TACC1: variants seen among roughly 807,000 people sequenced by gnomAD.
The protein encoded by TACC1 is transforming acidic coiled-coil-containing protein 1.
In TACC1, 48 loss-of-function variants were observed where a neutral mutation model predicts 84.4. The ratio of observed to expected loss-of-function variants is 0.57; its 90% confidence interval spans 0.45 to 0.72. The LOEUF is 0.72. TACC1 is among the 30% of genes least tolerant of loss of function. TACC1 has a pLI of 0.00. For missense variants in TACC1, 920 were observed against 973.0 expected, an observed-to-expected ratio of 0.95 and a Z score of 0.72; for synonymous variants, 372 against 376.3, an observed-to-expected ratio of 0.99 and a Z score of 0.13.
chr8:38,758,259 C>A (rs547601283), intron 3 of TACC1, among the ~76,000 whole-genome samples: 1 of 152,042 alleles, frequency 6.6e-6, no homozygotes, highest in Admixed American at 6.6e-5. Flanking sequence ...CAGCCTGGAC[C>A]GCGGGAGGGC....
intron 2 of TACC1, among the ~76,000 whole-genome samples, chr8:38,789,459 A>C (rs1818140095): frequency 6.6e-6 from 1 of 152,204 alleles, no homozygotes; most frequent in Admixed American, 6.5e-5. Flanking sequence ...TTATTTACTA[A>C]ATAGAGTGCA....
upstream of TACC1, among the ~76,000 whole-genome samples, chr8:38,783,780 C>T (rs536925278): frequency 2.6e-5 from 4 of 152,286 alleles, no homozygotes; most frequent in South Asian, 8.3e-4. Context: ...TAGAAAGGAG[C>T]TTCTCTTTAT....
At chr8:38,733,886 A>G (rs1475223650) in intron 1 of TACC1, among the ~76,000 whole-genome samples, 3 of 152,208 alleles carry the variant, frequency 2.0e-5, no homozygotes, top group Non-Finnish European at 2.9e-5. Context: ...CAAGAGGACA[A>G]TGGAATTTAG....
intron 2 of TACC1, among the ~76,000 whole-genome samples, chr8:38,796,748 A>C (rs936221703): frequency 3.9e-5 from 6 of 152,214 alleles, no homozygotes; most frequent in Non-Finnish European, 7.3e-5. Flanking sequence ...TGAGTCATGC[A>C]TGGTTGAGAA....
At position 38,797,262 on chromosome 8, in the gene TACC1, G is replaced by A. The variant is rs560572217; in HGVS notation, c.277+8443G>A. 1.1e-4 allele frequency among the ~76,000 whole-genome samples: 16 copies of A among 152,368 alleles called. 1 individual carries two copies. The South Asian group carries it at 3.3e-3, about 32-fold the overall frequency. ...AGTATCCTTTTGGTTACACAGGTCA[G>A]TCCAAGGGCATGTGTACCAGGAGGT... On this transcript the variant is annotated intron_variant, in intron 2 of 12. Coordinates refer to ENST00000317827, the MANE Select transcript of TACC1 (RefSeq NM_006283.3).
rs767769594 is a variant in TACC1, at chr8:38,820,001, G to T, written c.757G>T (p.Ala253Ser). 3 of 1,613,888 alleles carry T rather than the reference G, an allele frequency of 1.9e-6. No individual in the cohort carries two copies. In the South Asian group the frequency reaches 3.3e-5, roughly 18 times the overall value. Residue 253 changes from alanine to serine, a missense_variant, in exon 3 of 13, where the codon GCT (alanine) becomes TCT (serine). Physicochemically the swap from Ala to Ser is moderately conservative, Grantham distance 99. This residue lies in a region of TACC1 where 762 missense variants were observed against 747.3 expected (regional missense o/e 1.02). Transcript: ENST00000317827. ...AGGAGAGTTCTCAGACACCAACGCT[G>T]CTGTGGAGGGCACACCTCTCCCCAA... is the stretch of plus-strand genomic sequence containing the variant. ...IGGEFSDTNA[A>S]VEGTPLPKAS...
At chr8:38,799,363 T>C (rs1483236916) in intron 2 of TACC1, among the ~76,000 whole-genome samples, 1 of 152,254 alleles carries the variant, frequency 6.6e-6, no homozygotes, top group Non-Finnish European at 1.5e-5. Flanking sequence ...GGGCACTGAT[T>C]GAGCATCAGC....
In TACC1 at chr8:38,850,655, G is replaced by A. The variant is rs1217664029; in HGVS notation, c.*2632G>A. ...AAAATAAAAATTAGCTGGGCATGGT[G>A]GCACGTGCCTGTGGTCCCAGCTACT... On this transcript the variant is annotated 3_prime_UTR_variant, in exon 13 of 13. Transcript: ENST00000317827. The A allele has an allele frequency of 1.3e-5, 2 of 151,980 alleles. No individual in the cohort carries two copies. Among genetic ancestry groups the A allele is most frequent in the Non-Finnish European group, 2.9e-5 (2 of 68,070 alleles). 9.4% of individuals were successfully genotyped at this position (151,980 alleles called of 1,614,324 possible). A position where few individuals can be genotyped will look rare whatever the true frequency, so the allele number is the denominator to read the frequency against.
At chr8:38,823,801 G>GTCTGT (rs1827412872) in intron 3 of TACC1, among the ~76,000 whole-genome samples, 1 of 152,120 alleles carries the variant, frequency 6.6e-6, no homozygotes, top group Non-Finnish European at 1.5e-5. Context: ...TGTAGTTGAG[G>GTCTGT]TCTGTTCATC....
chr8:38,729,861 T>C (rs1284353883), intron 1 of TACC1, among the ~76,000 whole-genome samples: 1 of 151,922 alleles, frequency 6.6e-6, no homozygotes, highest in Non-Finnish European at 1.5e-5. Flanking sequence ...CGAGCAAGAC[T>C]GTCTCAAAAA....
At chr8:38,781,404 C>T (rs11776608) in intron 3 of TACC1, among the ~76,000 whole-genome samples, 29,891 of 146,056 alleles carry the variant, frequency 0.2, 3,506 homozygotes, top group Non-Finnish European at 0.27. Flanking sequence ...TTTTTTGAGG[C>T]GGAGACTTGT....
intron 12 of TACC1, among the ~76,000 whole-genome samples, chr8:38,847,689 A>C (rs1832573651): frequency 6.6e-6 from 1 of 152,248 alleles, no homozygotes; most frequent in African/African-American, 2.4e-5. Flanking sequence ...TAACAAGAAA[A>C]TTGGGGAACT....
chr8:38,845,657 A>C (rs1310984592), intron 11 of TACC1, among the ~76,000 whole-genome samples: 1 of 152,350 alleles, frequency 6.6e-6, no homozygotes, highest in East Asian at 1.9e-4. Context: ...ACTACAGCGA[A>C]CATCCTGTGC....
chr8:38,831,744 C>T (rs1445782211), intron 6 of TACC1, among the ~76,000 whole-genome samples: 1 of 152,024 alleles, frequency 6.6e-6, no homozygotes, highest in Non-Finnish European at 1.5e-5. Flanking sequence ...AATCTGCCCA[C>T]CTCCGCCTCC....
At chr8:38,822,112 G>A (rs780703938) in intron 3 of TACC1, among the ~76,000 whole-genome samples, 5 of 151,936 alleles carry the variant, frequency 3.3e-5, no homozygotes, top group Non-Finnish European at 7.4e-5. Context: ...GGGAGTGGTG[G>A]TGCATGCCTG....
At chr8:38,757,253 C>G (rs1354573548) in intron 3 of TACC1, 4 of 1,115,532 alleles carry the variant, frequency 3.6e-6, no homozygotes, top group Non-Finnish European at 4.4e-6. Flanking sequence ...CCCGCCCCAC[C>G]GCCTCCCCGC....
At chr8:38,735,117 G>A (rs768897391) in intron 1 of TACC1, among the ~76,000 whole-genome samples, 3 of 152,256 alleles carry the variant, frequency 2.0e-5, no homozygotes, top group South Asian at 4.1e-4. Flanking sequence ...CTTGAGGCAC[G>A]CATCAGCAGA....
chr8:38,844,666 A>G (rs951255077), intron 11 of TACC1, among the ~76,000 whole-genome samples: 4 of 152,198 alleles, frequency 2.6e-5, no homozygotes, highest in Admixed American at 6.5e-5. Context: ...AGAATTTTGA[A>G]TAATTTTTCA....
intron 2 of TACC1, among the ~76,000 whole-genome samples, chr8:38,812,084 A>G (rs995040980): frequency 2.6e-5 from 4 of 152,154 alleles, no homozygotes; most frequent in Admixed American, 6.5e-5. Flanking sequence ...GGATTGGGAA[A>G]TTCCAGCCTG....
Sources: allele counts gnomAD v4.1 joint callset (sites outside exome capture counted in the v4.1 genomes callset), GRCh38; gene constraint gnomAD v4.1.1; regional missense constraint gnomAD v4.1.1; transcripts MANE v1.5; gene names NCBI Gene and HGNC (gene_info 2026-07-23, HGNC 2026-07-21).